GPC6: variants seen among roughly 807,000 people sequenced by gnomAD.
GPC6 encodes the protein glypican-6.
Under a neutral mutation model 55.2 loss-of-function variants are expected in GPC6, and 14 were observed. That is an observed-to-expected ratio of 0.25 (90% confidence interval 0.17 to 0.40). The LOEUF is 0.40. GPC6 is among the 10% of genes least tolerant of loss of function. The probability of loss-of-function intolerance (pLI) is 1.00; values close to 1 mark genes in which losing one functional copy is unlikely to be tolerated. For missense variants in GPC6, 641 were observed against 708.5 expected, an observed-to-expected ratio of 0.90 and a Z score of 1.08; for synonymous variants, 278 against 259.6, an observed-to-expected ratio of 1.07 and a Z score of -0.68.
At chr13:93,228,786 C>CT (rs1594040086) in intron 1 of GPC6, among the ~76,000 whole-genome samples, 1 of 152,294 alleles carries the variant, frequency 6.6e-6, no homozygotes, top group East Asian at 1.9e-4. Flanking sequence ...CCTCTGTCTG[C>CT]TTTTTGCCAA....
intron 4 of GPC6, among the ~76,000 whole-genome samples, chr13:94,147,887 A>G (rs1317118237): frequency 1.3e-5 from 2 of 152,204 alleles, no homozygotes; most frequent in Non-Finnish European, 2.9e-5. Context: ...AAGTGGACCC[A>G]TGAAACCTGG....
chr13:94,147,462 C>T (rs1304217989), intron 4 of GPC6, among the ~76,000 whole-genome samples: 1 of 152,110 alleles, frequency 6.6e-6, no homozygotes, highest in Non-Finnish European at 1.5e-5. Context: ...CTCTAAGCCT[C>T]CATTTTCTCA....
chr13:93,479,683 A>G (rs370615330), intron 1 of GPC6, among the ~76,000 whole-genome samples: 1 of 151,984 alleles, frequency 6.6e-6, no homozygotes, highest in East Asian at 2.0e-4. Context: ...AGAAGATTTA[A>G]TTCAGCAAAC....
chr13:93,527,387 A>G (rs1881695566), intron 1 of GPC6, among the ~76,000 whole-genome samples: 1 of 152,044 alleles, frequency 6.6e-6, no homozygotes, highest in African/African-American at 2.4e-5. Flanking sequence ...GCGTTTCACT[A>G]CTTTTTTAGA....
At chr13:93,828,449 T>C (rs1887349795) in intron 2 of GPC6, among the ~76,000 whole-genome samples, 1 of 152,098 alleles carries the variant, frequency 6.6e-6, no homozygotes, top group African/African-American at 2.4e-5. Flanking sequence ...TTCTCTTGAT[T>C]TCCTAAAATG....
chr13:93,281,616 C>A (rs547185132), intron 1 of GPC6, among the ~76,000 whole-genome samples: 2 of 152,284 alleles, frequency 1.3e-5, no homozygotes, highest in Admixed American at 1.3e-4. Context: ...GAGTTCAAAA[C>A]CAGCCTGACC....
chr13:94,178,403 A>T (rs1888865222), intron 4 of GPC6, among the ~76,000 whole-genome samples: 2 of 152,194 alleles, frequency 1.3e-5, no homozygotes, highest in Non-Finnish European at 2.9e-5. Flanking sequence ...GTGGCTATAT[A>T]AATTGTATGC....
At position 93,740,420 on chromosome 13, in the gene GPC6, G is replaced by A. The variant is rs538486589; in HGVS notation, c.320-89734G>A. 3.9e-5 allele frequency among the ~76,000 whole-genome samples: 6 copies of A among 152,292 alleles called. No individual in the cohort carries two copies. The South Asian group carries it at 8.3e-4, about 21-fold the overall frequency. ...AAGTGTTTTCTTAAAGCATTGTGCG[G>A]CAATTAAGGATAAAGACTGGAAAAA... On this transcript the variant is annotated intron_variant, in intron 2 of 8. Transcript: ENST00000377047.
At chr13:93,345,820 T>C (rs999674466) in intron 1 of GPC6, among the ~76,000 whole-genome samples, 1 of 152,330 alleles carries the variant, frequency 6.6e-6, no homozygotes, top group African/African-American at 2.4e-5. Flanking sequence ...TAAAGTGATG[T>C]TCTGGTACAA....
chr13:93,676,235 A>G (rs911213580), intron 2 of GPC6, among the ~76,000 whole-genome samples: 7 of 149,500 alleles, frequency 4.7e-5, no homozygotes, highest in African/African-American at 1.7e-4. Context: ...ATGTATATGT[A>G]TATATATACA....
chr13:93,487,970 TAC>T (rs1879792824), intron 1 of GPC6, among the ~76,000 whole-genome samples: 1 of 152,200 alleles, frequency 6.6e-6, no homozygotes, highest in Non-Finnish European at 1.5e-5. Flanking sequence ...TATTTACATA[TAC>T]ACACTTTTTT....
Position 94,184,887 on chromosome 13 carries a change from A to G in GPC6, c.878-101462A>G, listed in dbSNP as rs75958029. Among the ~76,000 whole-genome samples the G allele has an allele frequency of 5.4e-4, 82 of 152,360 alleles. No individual in the cohort carries two copies. In the East Asian group the frequency reaches 0.015, roughly 29 times the overall value. Reference sequence around the variant, plus strand: ...TTCATAATAGCAAATACATAGAATCAACCTACGTGCTCATCAGTGATGGAC... The same window carrying G: ...TTCATAATAGCAAATACATAGAATCGACCTACGTGCTCATCAGTGATGGAC... On this transcript the variant is annotated intron_variant, in intron 4 of 8. Coordinates refer to ENST00000377047, the MANE Select transcript of GPC6 (RefSeq NM_005708.5).
chr13:94,339,427 G>T (rs570904015), intron 6 of GPC6, among the ~76,000 whole-genome samples: 2 of 152,146 alleles, frequency 1.3e-5, no homozygotes, highest in African/African-American at 2.4e-5. Context: ...CATAAGTTAC[G>T]CGATGTAACT....
At chr13:93,959,364 T>G (rs568665619) in intron 3 of GPC6, among the ~76,000 whole-genome samples, 1 of 152,176 alleles carries the variant, frequency 6.6e-6, no homozygotes, top group South Asian at 2.1e-4. Context: ...GGTTTCACCA[T>G]GTTAACCAGG....
chr13:93,306,743 T>C (rs1878869776), intron 1 of GPC6, among the ~76,000 whole-genome samples: 1 of 152,174 alleles, frequency 6.6e-6, no homozygotes, highest in Non-Finnish European at 1.5e-5. Context: ...AGGAATCTCA[T>C]CTAGACATTT....
At chr13:93,998,984 C>CAA in intron 3 of GPC6, among the ~76,000 whole-genome samples, 1 of 152,108 alleles carries the variant, frequency 6.6e-6, no homozygotes, top group Non-Finnish European at 1.5e-5. Flanking sequence ...TTCCTCAACT[C>CAA]CCAACACTGC....
rs1367356435 is a variant in GPC6, at chr13:93,683,555, T to G, written c.319+138134T>G. 2.0e-5 allele frequency among the ~76,000 whole-genome samples: 3 copies of G among 152,182 alleles called. No individual in the cohort carries two copies. In the East Asian group the frequency reaches 5.8e-4, roughly 29 times the overall value. ...AGCCATCAAAAGGCCCAAATTCTGGTCCTGTATACATTTTAAATTCTATTC... is the reference window on the plus strand; with the variant it reads ...AGCCATCAAAAGGCCCAAATTCTGGGCCTGTATACATTTTAAATTCTATTC... On this transcript the variant is annotated intron_variant, in intron 2 of 8. Coordinates refer to ENST00000377047, the MANE Select transcript of GPC6 (RefSeq NM_005708.5).
intron 1 of GPC6, among the ~76,000 whole-genome samples, chr13:93,528,560 C>T (rs1277842948): frequency 6.6e-6 from 1 of 151,916 alleles, no homozygotes; most frequent in African/African-American, 2.4e-5. Context: ...ATGACACATG[C>T]AAAAAGGAAA....
intron 2 of GPC6, among the ~76,000 whole-genome samples, chr13:93,672,490 GAA>G: frequency 6.6e-6 from 1 of 151,812 alleles, no homozygotes; most frequent in Admixed American, 6.6e-5. Context: ...TGTAGAAAAA[GAA>G]AGTAAAATAA....
Sources: gnomAD v4.1 joint callset for allele counts (sites outside exome capture counted in the v4.1 genomes callset) on GRCh38, gnomAD v4.1.1 for gene constraint, MANE v1.5 for transcripts, NCBI Gene and HGNC (gene_info 2026-07-23, HGNC 2026-07-21) for gene names.